The following SLC25A33 variants were observed in gnomAD, a reference collection of about 807,000 sequenced individuals.
SLC25A33 encodes solute carrier family 25 member 33.
A neutral mutation model predicts 35.5 loss-of-function variants in SLC25A33; 15 were observed. The ratio of observed to expected loss-of-function variants is 0.42; its 90% CI spans 0.28 to 0.65. SLC25A33 has a LOEUF of 0.65. Ranked by LOEUF, SLC25A33 falls within the 30% of genes least tolerant of loss-of-function variation. The probability of loss-of-function intolerance (pLI) is 0.20; values close to 1 mark genes in which losing one functional copy is unlikely to be tolerated. For missense variants in SLC25A33, 257 were observed against 398.5 expected (o/e 0.64, Z 3.02); for synonymous variants, 136 against 148.7 (o/e 0.91, Z 0.62).
intron 1 of SLC25A33, among the ~76,000 whole-genome samples, chr1:9,540,550 G>A (rs1281012069): frequency 6.6e-6 from 1 of 152,010 alleles, no homozygotes; most frequent in Non-Finnish European, 1.5e-5. Context: ...GAGAATAGAA[G>A]GTAAAATATT....
At chr1:9,543,203 G>A (rs989575890) in intron 1 of SLC25A33, among the ~76,000 whole-genome samples, 2 of 151,890 alleles carry the variant, frequency 1.3e-5, no homozygotes, top group Admixed American at 6.6e-5. Flanking sequence ...GAGTGCAGTG[G>A]TGCGATCTCA....
At chr1:9,563,438 G>T (rs369640486) in intron 2 of SLC25A33, among the ~76,000 whole-genome samples, 1 of 152,088 alleles carries the variant, frequency 6.6e-6, no homozygotes, top group African/African-American at 2.4e-5. Flanking sequence ...AGCATGAAAA[G>T]TTACATAGTG....
chr1:9,550,013 T>TATATATATATATATACATATA (rs1237314230), intron 1 of SLC25A33, among the ~76,000 whole-genome samples: 1 of 28,724 alleles, frequency 3.5e-5, no homozygotes, highest in African/African-American at 1.3e-4. Context: ...ATATATATAT[T>TATATATATATATATACATATA]TTTTTTTTTT....
rs535636685 is a variant in SLC25A33, at chr1:9,542,358, G to A, written c.56+2611G>A. On this transcript the variant is annotated intron_variant, in intron 1 of 6. Transcript: ENST00000302692. ...GTAGTTCATTAGGGTGGCGCCTGAA[G>A]CCATTGTATTTAACAAGTTTCCGTT... Among the ~76,000 whole-genome samples the A allele has an allele frequency of 3.3e-5, 5 of 152,214 alleles. 1 individual carries two copies. In the South Asian group the frequency reaches 1.0e-3, roughly 32 times the overall value.
intron 5 of SLC25A33, among the ~76,000 whole-genome samples, chr1:9,573,982 T>G (rs1643626787): frequency 6.6e-6 from 1 of 152,034 alleles, no homozygotes; most frequent in African/African-American, 2.4e-5. Flanking sequence ...TTTTTGTTGT[T>G]GTTGTTGTTG....
intron 1 of SLC25A33, among the ~76,000 whole-genome samples, chr1:9,541,667 GA>G (rs1557521819): frequency 1.3e-5 from 2 of 149,432 alleles, no homozygotes; most frequent in African/African-American, 5.0e-5. Flanking sequence ...TCTTTCTTGG[GA>G]ATTTTAAACA....
At chr1:9,564,676 C>T (rs1030585552) in intron 2 of SLC25A33, among the ~76,000 whole-genome samples, 1 of 145,162 alleles carries the variant, frequency 6.9e-6, no homozygotes, top group Non-Finnish European at 1.5e-5. Context: ...CACTTGAGGC[C>T]AGAAGTTCGA....
chr1:9,575,830 T>G (rs1643655439), intron 5 of SLC25A33, among the ~76,000 whole-genome samples: 1 of 152,258 alleles, frequency 6.6e-6, no homozygotes, highest in African/African-American at 2.4e-5. Flanking sequence ...ACTCTTTTGA[T>G]GAATCTGTTC....
rs1314749490 is a variant in SLC25A33, at chr1:9,549,996, C to CATATATAT, written c.57-3621_57-3614dup. 6.4e-3 allele frequency among the ~76,000 whole-genome samples: 459 copies of CATATATAT among 72,002 alleles called. 17 individuals carry two copies. The highest frequency in any genetic ancestry group is 0.025 in the African/African-American group (364 of 14,720). 47.2% of individuals were successfully genotyped at this position (72,002 alleles called of 152,430 possible). ...TATATGTATATATATTTTTTCTATACATATATATATATATATTTTTTTTTT... is the reference window on the plus strand; with the variant it reads ...TATATGTATATATATTTTTTCTATACATATATATATATATATATATATATTTTTTTTTT... On this transcript the variant is annotated intron_variant, in intron 1 of 6. Transcript: ENST00000302692.
Position 9,553,712 on chromosome 1 carries a change from C to G in SLC25A33, c.143C>G (p.Thr48Arg). The change falls in exon 2 of 7, where the codon ACA becomes AGA. Residue 48 changes from threonine to arginine, a missense_variant. Thr to Arg is a moderately conservative substitution (Grantham distance 71, BLOSUM62 -1). Coordinates refer to ENST00000302692, the MANE Select transcript of SLC25A33 (RefSeq NM_032315.3). ...RLQSSRLALR[T>R]VYYPQVHLGT... is the part of the protein sequence containing the mutation. ...CAGTCTTCAAGATTAGCTCTCCGGA[C>G]AGTCTACTATCCTCAGGTTCATCTG... 1 of 1,614,198 alleles carries G rather than the reference C, an allele frequency of 6.2e-7. No homozygotes were observed.
chr1:9,545,333 G>T (rs111992618), intron 1 of SLC25A33, among the ~76,000 whole-genome samples: 206 of 151,756 alleles, frequency 1.4e-3, no homozygotes, highest in African/African-American at 4.8e-3. Flanking sequence ...CTAGGGGAGC[G>T]TATTTTTATC....
intron 2 of SLC25A33, among the ~76,000 whole-genome samples, chr1:9,565,753 CTG>C (rs1643492154): frequency 6.6e-6 from 1 of 150,978 alleles, no homozygotes; most frequent in Non-Finnish European, 1.5e-5. Context: ...TGGCGGGTGC[CTG>C]TAGTCCCAGC....
intron 2 of SLC25A33, among the ~76,000 whole-genome samples, chr1:9,566,596 CA>C (rs1429444391): frequency 7.2e-5 from 11 of 152,164 alleles, no homozygotes; most frequent in African/African-American, 2.7e-4. Flanking sequence ...CCTGTAATCC[CA>C]GCACTTTGTG....
intron 1 of SLC25A33, among the ~76,000 whole-genome samples, chr1:9,550,231 T>A (rs867163091): frequency 2.2e-5 from 3 of 133,582 alleles, no homozygotes; most frequent in Admixed American, 7.7e-5. Flanking sequence ...CTTCTCTCTT[T>A]AAAAAAAAAA....
At chr1:9,576,717 C>T in intron 5 of SLC25A33, 1 of 751,706 alleles carries the variant, frequency 1.3e-6, no homozygotes, top group East Asian at 3.4e-5. Flanking sequence ...TCCCCACCGA[C>T]ATTGTTATCC....
At chr1:9,544,607 G>A (rs939366526) in intron 1 of SLC25A33, among the ~76,000 whole-genome samples, 3 of 152,056 alleles carry the variant, frequency 2.0e-5, no homozygotes, top group East Asian at 1.9e-4. Flanking sequence ...AGAATTTACA[G>A]TGTATACAGA....
chr1:9,561,834 G>A (rs1015458218), intron 2 of SLC25A33, among the ~76,000 whole-genome samples: 6 of 152,160 alleles, frequency 3.9e-5, no homozygotes, highest in Non-Finnish European at 5.9e-5. Context: ...TACACTTAGC[G>A]TTTGAAAATC....
intron 1 of SLC25A33, among the ~76,000 whole-genome samples, chr1:9,543,540 A>G (rs1643125969): frequency 6.6e-6 from 1 of 152,172 alleles, no homozygotes; most frequent in Non-Finnish European, 1.5e-5. Context: ...TTTGCCAAAG[A>G]TGAAAATCCT....
intron 5 of SLC25A33, among the ~76,000 whole-genome samples, chr1:9,573,968 TG>T (rs1158474536): frequency 2.0e-5 from 3 of 152,006 alleles, no homozygotes; most frequent in African/African-American, 7.2e-5. Flanking sequence ...TGAGTTTTTT[TG>T]TTTTTTTGTT....
Sources: allele counts gnomAD v4.1 joint callset (sites outside exome capture counted in the v4.1 genomes callset), GRCh38; gene constraint gnomAD v4.1.1; transcripts MANE v1.5; gene names NCBI Gene and HGNC (gene_info 2026-07-23, HGNC 2026-07-21).